The following HMGCLL1 variants were observed in gnomAD, a reference collection of about 807,000 sequenced individuals.
HMGCLL1 encodes 3-hydroxymethyl-3-methylglutaryl-CoA lyase, cytoplasmic.
In HMGCLL1, 36 loss-of-function variants were observed where a neutral mutation model predicts 39.1. The ratio of observed to expected loss-of-function variants is 0.92; its 90% CI spans 0.71 to 1.22. The LOEUF (loss-of-function observed/expected upper bound fraction) is 1.22. Ranked by LOEUF, HMGCLL1 falls within the 50% of genes most tolerant of loss-of-function variation. The pLI is 0.00. For synonymous variants in HMGCLL1, 149 were observed against 144.0 expected, an observed-to-expected ratio of 1.03 and a Z score of -0.25; for missense variants, 451 against 416.5, an observed-to-expected ratio of 1.08 and a Z score of -0.72.
the HMGCLL1 span, among the ~76,000 whole-genome samples, chr6:55,621,478 A>G: frequency 1.3e-5 from 2 of 151,960 alleles, no homozygotes; most frequent in East Asian, 3.9e-4. Flanking sequence ...CTGTCAGATC[A>G]GCAGCAGCAT....
the HMGCLL1 span, among the ~76,000 whole-genome samples, chr6:55,615,984 A>C: frequency 6.6e-6 from 1 of 152,136 alleles, no homozygotes; most frequent in African/African-American, 2.4e-5. Flanking sequence ...ACATTCCCTT[A>C]AAATTTTATT....
intron 7 of HMGCLL1, among the ~76,000 whole-genome samples, chr6:55,460,252 A>G (rs1764498761): frequency 6.6e-6 from 1 of 152,024 alleles, no homozygotes; most frequent in South Asian, 2.1e-4. Flanking sequence ...CATAAAATGA[A>G]GTACCATAAA....
At position 55,526,692 on chromosome 6, in the gene HMGCLL1, G is replaced by T. The variant is rs78026958; in HGVS notation, c.298-10089C>A. Among the ~76,000 whole-genome samples, 1,132 of 151,984 alleles carry T rather than the reference G, an allele frequency of 7.4e-3. 19 individuals carry two copies. Among genetic ancestry groups the T allele is most frequent in the African/African-American group, 0.025 (1,052 of 41,468 alleles). On this transcript the variant is annotated intron_variant, in intron 3 of 8. Coordinates refer to ENST00000274901, the MANE Select transcript of HMGCLL1 (RefSeq NM_001042406.2). ...AATGGTAAAAGCACATTTACTTTAT[G>T]CTGAGTTACATGTTAAACCTATGGG...
At chr6:55,552,433 A>G (rs921573547) in intron 1 of HMGCLL1, among the ~76,000 whole-genome samples, 1 of 152,002 alleles carries the variant, frequency 6.6e-6, no homozygotes, top group Admixed American at 6.5e-5. Flanking sequence ...TCTACTATCA[A>G]TGATTGACTC....
intron 1 of HMGCLL1, among the ~76,000 whole-genome samples, chr6:55,572,217 A>G (rs1003352343): frequency 5.9e-5 from 9 of 152,158 alleles, no homozygotes; most frequent in Admixed American, 1.3e-4. Context: ...TATCAGAAAG[A>G]GGCAATGCAA....
intron 1 of HMGCLL1, among the ~76,000 whole-genome samples, chr6:55,546,078 CT>C (rs376123694): frequency 3.7e-4 from 57 of 152,154 alleles, no homozygotes; most frequent in Non-Finnish European, 6.8e-4. Context: ...GAAAAACATT[CT>C]TGAAAAGATA....
At chr6:55,624,960 C>G in the HMGCLL1 span, among the ~76,000 whole-genome samples, 1 of 152,130 alleles carries the variant, frequency 6.6e-6, no homozygotes, top group Non-Finnish European at 1.5e-5. Context: ...GGCTTTGCAA[C>G]AGGTCCAGGC....
the HMGCLL1 span, among the ~76,000 whole-genome samples, chr6:55,643,356 T>C: frequency 3.9e-5 from 6 of 152,116 alleles, no homozygotes; most frequent in East Asian, 1.9e-4. Context: ...TAGTATCTCA[T>C]TGGGGGTTTG....
chr6:55,670,366 T>G, the HMGCLL1 span, among the ~76,000 whole-genome samples: 2 of 151,720 alleles, frequency 1.3e-5, no homozygotes, highest in African/African-American at 4.8e-5. Context: ...AAAAAGTACT[T>G]CAGACAAAAC....
intron 7 of HMGCLL1, among the ~76,000 whole-genome samples, chr6:55,455,432 T>C (rs1463298901): frequency 6.6e-6 from 1 of 152,204 alleles, no homozygotes; most frequent in Non-Finnish European, 1.5e-5. Flanking sequence ...TGAAGCCAGT[T>C]ATTCAAAGAA....
At chr6:55,552,369 C>T (rs1770386231) in intron 1 of HMGCLL1, among the ~76,000 whole-genome samples, 1 of 152,134 alleles carries the variant, frequency 6.6e-6, no homozygotes, top group South Asian at 2.1e-4. Context: ...CTCAATAGAG[C>T]TACCTACTCC....
At chr6:55,631,757 T>C in the HMGCLL1 span, among the ~76,000 whole-genome samples, 1 of 152,128 alleles carries the variant, frequency 6.6e-6, no homozygotes, top group Non-Finnish European at 1.5e-5. Context: ...TTGATATATG[T>C]ATTCTAAATA....
intron 1 of HMGCLL1, among the ~76,000 whole-genome samples, chr6:55,567,341 T>C (rs1274874259): frequency 6.6e-6 from 1 of 152,098 alleles, no homozygotes; most frequent in East Asian, 1.9e-4. Context: ...TGTAAAGTGA[T>C]AGATTAGATA....
At position 55,477,223 on chromosome 6, in the gene HMGCLL1, ATATAATATATATTATATTTATATAAT is replaced by A. The variant is rs1268313674; in HGVS notation, c.795+18170_795+18195del. The stretch of plus-strand genomic sequence containing the variant: ...TATATAATATATATTATATTATAAT[ATATAATATATATTATATTTATATAAT>A]ATATAATATATATTATATAATATAT... On this transcript the variant is annotated intron_variant, in intron 7 of 8. Coordinates refer to ENST00000274901, the MANE Select transcript of HMGCLL1 (RefSeq NM_001042406.2). 3.2e-3 allele frequency among the ~76,000 whole-genome samples: 40 copies of A among 12,450 alleles called. 8 individuals carry two copies. The highest frequency in any genetic ancestry group is 0.02 in the African/African-American group (33 of 1,610). The allele number at this position is 12,450 out of a possible 152,430, so 8.2% of individuals were successfully genotyped here.
intron 3 of HMGCLL1, among the ~76,000 whole-genome samples, chr6:55,526,737 T>C (rs1278472083): frequency 1.3e-5 from 2 of 152,062 alleles, no homozygotes; most frequent in Non-Finnish European, 2.9e-5. Flanking sequence ...CTTTATGTGG[T>C]ATCCTTTTAC....
chr6:55,649,709 C>G, the HMGCLL1 span, among the ~76,000 whole-genome samples: 1 of 151,868 alleles, frequency 6.6e-6, no homozygotes, highest in African/African-American at 2.4e-5. Context: ...AAGGCCAAAA[C>G]CTCTTCAATT....
chr6:55,561,256 A>G (rs1770931327), intron 1 of HMGCLL1, among the ~76,000 whole-genome samples: 3 of 152,308 alleles, frequency 2.0e-5, no homozygotes, highest in South Asian at 4.1e-4. Flanking sequence ...TACAAAAATC[A>G]TCTTTAAAAC....
At chr6:55,645,561 G>A in the HMGCLL1 span, among the ~76,000 whole-genome samples, 10 of 151,956 alleles carry the variant, frequency 6.6e-5, no homozygotes, top group African/African-American at 2.2e-4. Context: ...TTACTATGCT[G>A]AGGTATGTTC....
chr6:55,594,376 A>G, the HMGCLL1 span, among the ~76,000 whole-genome samples: 1 of 152,090 alleles, frequency 6.6e-6, no homozygotes, highest in African/African-American at 2.4e-5. Context: ...GAATTTCCTG[A>G]ATTTATCATT....
Sources: allele counts gnomAD v4.1 joint callset (sites outside exome capture counted in the v4.1 genomes callset), GRCh38; gene constraint gnomAD v4.1.1; transcripts MANE v1.5; gene names NCBI Gene and HGNC (gene_info 2026-07-23, HGNC 2026-07-21).